Variants in BCL11A observed in about 807,000 individuals in gnomAD.
BCL11A encodes BCL11 transcription factor A.
In BCL11A, 2 loss-of-function variants were observed where a neutral mutation model predicts 55.9. The observed-to-expected ratio is 0.04, with a 90% CI of 0.01 to 0.11. The LOEUF (loss-of-function observed/expected upper bound fraction) is 0.11. Ranked by LOEUF, BCL11A falls within the 10% of genes least tolerant of loss-of-function variation. The probability of loss-of-function intolerance (pLI) is 1.00; values close to 1 mark genes in which losing one functional copy is unlikely to be tolerated. For missense variants in BCL11A, 817 were observed against 1,137.1 expected (o/e 0.72, Z 4.05); for synonymous variants, 465 against 473.4 (o/e 0.98, Z 0.23).
At position 60,552,961 on chromosome 2, in the gene BCL11A, G is replaced by A. The variant is rs1432954598; in HGVS notation, c.55+255C>T. On this transcript the variant is annotated intron_variant, in intron 1 of 3. Coordinates refer to ENST00000642384, the MANE Select transcript of BCL11A (RefSeq NM_022893.4). ...TAAAGCGGCGGAAAGGAGGAAAGAG[G>A]AGGAGTCAAATTTTTGTAAAATTAA... Among the ~76,000 whole-genome samples, 3 of 152,108 alleles carry A rather than the reference G, an allele frequency of 2.0e-5. No individual in the cohort carries two copies. In the South Asian group the frequency reaches 6.2e-4, roughly 32 times the overall value.
chr2:60,539,124 C>A (rs896502968), intron 2 of BCL11A, among the ~76,000 whole-genome samples: 1 of 152,076 alleles, frequency 6.6e-6, no homozygotes, highest in Admixed American at 6.6e-5. Context: ...TCACACTGGG[C>A]TATCTAAGTT....
downstream of BCL11A, chr2:60,452,496 A>G (rs562743265): frequency 1.5e-4 from 185 of 1,207,590 alleles, no homozygotes; most frequent in African/African-American, 2.7e-3. Context: ...AAAACATCAC[A>G]AACTAGCAGG....
At chr2:60,480,563 T>C (rs1346344613) in intron 2 of BCL11A, among the ~76,000 whole-genome samples, 1 of 152,172 alleles carries the variant, frequency 6.6e-6, no homozygotes, top group Non-Finnish European at 1.5e-5. Flanking sequence ...GGGTCAGCCT[T>C]GACCCAGGAG....
intron 2 of BCL11A, among the ~76,000 whole-genome samples, chr2:60,511,419 C>A (rs1415880087): frequency 1.3e-5 from 2 of 152,222 alleles, no homozygotes; most frequent in East Asian, 3.8e-4. Flanking sequence ...TGACTCCACT[C>A]TTTTCCGTTA....
At chr2:60,504,140 T>G (rs1679442681) in intron 2 of BCL11A, among the ~76,000 whole-genome samples, 1 of 152,132 alleles carries the variant, frequency 6.6e-6, no homozygotes, top group East Asian at 1.9e-4. Context: ...GACTCACACT[T>G]GCCTGGCAGG....
chr2:60,507,632 C>A (rs1004679454), intron 2 of BCL11A, among the ~76,000 whole-genome samples: 6 of 152,148 alleles, frequency 3.9e-5, no homozygotes, highest in Non-Finnish European at 7.3e-5. Flanking sequence ...TTACACAGGG[C>A]TGCCTCCGCA....
intron 1 of BCL11A, among the ~76,000 whole-genome samples, chr2:60,550,414 C>T (rs1330253291): frequency 6.6e-6 from 1 of 152,220 alleles, no homozygotes; most frequent in East Asian, 1.9e-4. Context: ...CACCCCCACC[C>T]TCGCAAAGCT....
At chr2:60,494,387 A>G (rs1191201079) in intron 2 of BCL11A, among the ~76,000 whole-genome samples, 4 of 152,224 alleles carry the variant, frequency 2.6e-5, no homozygotes, top group Non-Finnish European at 5.9e-5. Flanking sequence ...AGGAGGTTGT[A>G]ATAAATTATC....
intron 2 of BCL11A, among the ~76,000 whole-genome samples, chr2:60,504,652 G>A (rs540602737): frequency 8.5e-5 from 13 of 152,170 alleles, no homozygotes; most frequent in Non-Finnish European, 1.8e-4. Context: ...CGTTCTCTCA[G>A]CATTTCAGCA....
intron 2 of BCL11A, among the ~76,000 whole-genome samples, chr2:60,482,103 G>C (rs1677994300): frequency 6.6e-6 from 1 of 152,240 alleles, no homozygotes; most frequent in South Asian, 2.1e-4. Context: ...GACCTGTTAA[G>C]GGGCGGGTGG....
chr2:60,478,496 G>C (rs961873920), intron 2 of BCL11A, among the ~76,000 whole-genome samples: 1 of 152,252 alleles, frequency 6.6e-6, no homozygotes, highest in African/African-American at 2.4e-5. Context: ...TTCAGGGGAA[G>C]CGTGGAAGGC....
intron 2 of BCL11A, among the ~76,000 whole-genome samples, chr2:60,492,184 C>G (rs543458464): frequency 2.0e-5 from 3 of 152,248 alleles, no homozygotes; most frequent in African/African-American, 7.2e-5. Context: ...CAAGACCAGC[C>G]TGGGCAACAG....
At chr2:60,496,603 G>C (rs144714932) in intron 2 of BCL11A, 19 of 152,432 alleles carry the variant, frequency 1.2e-4, no homozygotes, top group African/African-American at 4.6e-4. Context: ...GAAGAGCCTG[G>C]TGAGTACATC....
intron 2 of BCL11A, among the ~76,000 whole-genome samples, chr2:60,513,060 C>T (rs775726081): frequency 6.6e-6 from 1 of 152,148 alleles, no homozygotes; most frequent in Non-Finnish European, 1.5e-5. Context: ...AGAAAGGACC[C>T]CCAGAACAGT....
intron 2 of BCL11A, among the ~76,000 whole-genome samples, chr2:60,494,990 G>T (rs1656453503): frequency 6.6e-6 from 1 of 152,160 alleles, no homozygotes; most frequent in South Asian, 2.1e-4. Context: ...ATGGATGGGT[G>T]GACAGCCCGA....
chr2:60,470,058 A>G (rs1677111332), intron 2 of BCL11A, among the ~76,000 whole-genome samples: 1 of 152,192 alleles, frequency 6.6e-6, no homozygotes, highest in Admixed American at 6.5e-5. Flanking sequence ...ACTGCCAAGC[A>G]CAGCCAAGGC....
At chr2:60,454,012 C>T (rs1225183590), downstream of BCL11A, among the ~76,000 whole-genome samples, 2 of 151,928 alleles carry the variant, frequency 1.3e-5, no homozygotes, top group East Asian at 3.9e-4. Flanking sequence ...TATCCCATGA[C>T]CGTAGATGAC....
At chr2:60,507,155 C>A (rs1256268554) in intron 2 of BCL11A, among the ~76,000 whole-genome samples, 1 of 149,224 alleles carries the variant, frequency 6.7e-6, no homozygotes, top group African/African-American at 2.5e-5. Flanking sequence ...GACAGAGGGC[C>A]AAGGATTAAA....
At chr2:60,531,074 A>ACT (rs1241986093) in intron 2 of BCL11A, among the ~76,000 whole-genome samples, 3 of 151,590 alleles carry the variant, frequency 2.0e-5, no homozygotes, top group Non-Finnish European at 2.9e-5. Context: ...CCCTCTTGCC[A>ACT]CTAACCTCTT....
Sources: allele counts gnomAD v4.1 joint callset (sites outside exome capture counted in the v4.1 genomes callset), GRCh38; gene constraint gnomAD v4.1.1; transcripts MANE v1.5; gene names NCBI Gene and HGNC (gene_info 2026-07-23, HGNC 2026-07-21).